The following B3GALNT2 variants were observed in gnomAD, a reference collection of about 807,000 sequenced individuals.
The protein encoded by B3GALNT2 is UDP-GalNAc:beta-1,3-N-acetylgalactosaminyltransferase 2.
A neutral mutation model predicts 61.1 loss-of-function variants in B3GALNT2; 53 were observed. That is an observed-to-expected ratio of 0.87 (90% CI 0.70 to 1.09). B3GALNT2 has a LOEUF of 1.09. Among genes scored for constraint, B3GALNT2 ranks in the 50% least tolerant of loss-of-function variants. The probability of loss-of-function intolerance (pLI) is 0.00; values close to 1 mark genes in which losing one functional copy is unlikely to be tolerated. For synonymous variants in B3GALNT2, 223 were observed against 237.4 expected (o/e 0.94, Z 0.56); for missense variants, 544 against 623.0 (o/e 0.87, Z 1.35).
downstream of B3GALNT2, among the ~76,000 whole-genome samples, chr1:235,444,132 G>A (rs764448972): frequency 6.6e-6 from 1 of 152,270 alleles, no homozygotes; most frequent in Middle Eastern, 3.4e-3. Flanking sequence ...GATAAAGCAA[G>A]CTTATCATGG....
At chr1:235,486,595 C>T (rs1684817322) in intron 3 of B3GALNT2, among the ~76,000 whole-genome samples, 1 of 152,094 alleles carries the variant, frequency 6.6e-6, no homozygotes, top group Admixed American at 6.5e-5. Flanking sequence ...GCCTTTGGAT[C>T]ATCGAAAAGA....
At chr1:235,478,156 G>A (rs772910314) in intron 5 of B3GALNT2, among the ~76,000 whole-genome samples, 2 of 152,010 alleles carry the variant, frequency 1.3e-5, no homozygotes, top group African/African-American at 4.8e-5. Context: ...GGGTTCAAGC[G>A]ATACTCCTGC....
At chr1:235,503,242 A>C (rs995953680) in intron 1 of B3GALNT2, among the ~76,000 whole-genome samples, 12 of 152,262 alleles carry the variant, frequency 7.9e-5, no homozygotes, top group Non-Finnish European at 1.2e-4. Flanking sequence ...AAAATTAAGT[A>C]TTACATAATA....
the B3GALNT2 span, among the ~76,000 whole-genome samples, chr1:235,440,111 C>T: frequency 1.3e-5 from 2 of 152,056 alleles, no homozygotes; most frequent in Non-Finnish European, 1.5e-5. Context: ...GCTGGGACTA[C>T]AGGCGCCCAC....
At chr1:235,443,682 T>C (rs1682054998), downstream of B3GALNT2, among the ~76,000 whole-genome samples, 1 of 152,172 alleles carries the variant, frequency 6.6e-6, no homozygotes, top group South Asian at 2.1e-4. Flanking sequence ...GGGAGGTTTG[T>C]GACTTTGCTT....
In B3GALNT2 at chr1:235,449,025, T is replaced by TAA. The variant is rs1461677690; in HGVS notation, c.*1179_*1180dup. Reference sequence around the variant, plus strand: ...TACAGCTCATCACTGCATTTCATGATAAGATTTAAATATTAAATAGAAAGA... The same window carrying TAA: ...TACAGCTCATCACTGCATTTCATGATAAAAGATTTAAATATTAAATAGAAAGA... On this transcript the variant is annotated 3_prime_UTR_variant, in exon 12 of 12. Coordinates refer to ENST00000366600, the MANE Select transcript of B3GALNT2 (RefSeq NM_152490.5). 58 of 378,108 alleles carry TAA rather than the reference T, an allele frequency of 1.5e-4. No homozygotes were observed. The Admixed American group carries it at 2.2e-3, about 14-fold the overall frequency. 23.4% of individuals were successfully genotyped at this position (378,108 alleles called of 1,614,324 possible).
chr1:235,474,982 TATATA>T (rs1466814422), intron 5 of B3GALNT2, among the ~76,000 whole-genome samples: 345 of 31,396 alleles, frequency 0.011, 4 homozygotes, highest in African/African-American at 0.023. Context: ...TATATATATA[TATATA>T]TTTTTTTTTT....
chr1:235,464,745 GCCT>G (rs1683606979), intron 7 of B3GALNT2: 1 of 151,838 alleles, frequency 6.6e-6, no homozygotes, highest in South Asian at 2.1e-4. Context: ...ACAGAGTGAG[GCCT>G]CGTCTCAGAA....
At chr1:235,452,745 G>T (rs537203898) in intron 11 of B3GALNT2, among the ~76,000 whole-genome samples, 1 of 152,042 alleles carries the variant, frequency 6.6e-6, no homozygotes, top group South Asian at 2.1e-4. Flanking sequence ...AGAGACGGGG[G>T]GTTTCACCAT....
intron 5 of B3GALNT2, among the ~76,000 whole-genome samples, chr1:235,471,913 C>T (rs1367487619): frequency 6.6e-6 from 1 of 151,944 alleles, no homozygotes; most frequent in African/African-American, 2.4e-5. Flanking sequence ...TCTGCCCACC[C>T]TGGCCTCCCA....
chr1:235,482,607 C>CA (rs58814316), intron 4 of B3GALNT2, among the ~76,000 whole-genome samples: 1,536 of 139,664 alleles, frequency 0.011, 16 homozygotes, highest in African/African-American at 0.033. Flanking sequence ...CCTGCTAAAA[C>CA]AAAAAAAAAA....
At chr1:235,443,873 TC>T (rs777010972), downstream of B3GALNT2, among the ~76,000 whole-genome samples, 7 of 152,204 alleles carry the variant, frequency 4.6e-5, no homozygotes, top group Non-Finnish European at 1.0e-4. Flanking sequence ...ATAAAGTAGA[TC>T]AACATAACTT....
At chr1:235,497,833 TA>T (rs968798036) in intron 1 of B3GALNT2, among the ~76,000 whole-genome samples, 5 of 152,194 alleles carry the variant, frequency 3.3e-5, no homozygotes, top group African/African-American at 1.2e-4. Context: ...TTTCTAAAAA[TA>T]ATAAAGAAAT....
chr1:235,495,061 G>A (rs1444357812), intron 1 of B3GALNT2, among the ~76,000 whole-genome samples: 2 of 152,040 alleles, frequency 1.3e-5, no homozygotes, highest in South Asian at 2.1e-4. Flanking sequence ...TCATGCTCAC[G>A]TAAGTATACT....
At chr1:235,488,807 G>A (rs1684926744) in intron 3 of B3GALNT2, among the ~76,000 whole-genome samples, 1 of 151,026 alleles carries the variant, frequency 6.6e-6, no homozygotes, top group Non-Finnish European at 1.5e-5. Flanking sequence ...CAATCCCAGT[G>A]CTTTGGGATG....
chr1:235,478,633 A>G (rs1265684547), intron 5 of B3GALNT2, among the ~76,000 whole-genome samples: 1 of 152,244 alleles, frequency 6.6e-6, no homozygotes, highest in East Asian at 1.9e-4. Context: ...AGTCTTTTCC[A>G]TAACACCGAA....
At position 235,447,820 on chromosome 1, in the gene B3GALNT2, GTCCGTTGGC is replaced by G. The variant is rs1682504348; in HGVS notation, c.*2377_*2385del. 6.6e-6 allele frequency among the ~76,000 whole-genome samples: 1 copy of G among 152,150 alleles called. No individual in the cohort carries two copies. Among genetic ancestry groups the G allele is most frequent in the Non-Finnish European group, 1.5e-5 (1 of 68,024 alleles). On this transcript the variant is annotated 3_prime_UTR_variant, in exon 12 of 12. Coordinates refer to ENST00000366600, the MANE Select transcript of B3GALNT2 (RefSeq NM_152490.5). ...AAACTCACTGTCAAAGGGCACTTAG[GTCCGTTGGC>G]TCCGTTTCCCACAGTTCCCCAAATG...
intron 10 of B3GALNT2, 132 bp from the exon 11 acceptor site, chr1:235,453,278 G>T: frequency 1.2e-6 from 1 of 841,472 alleles, no homozygotes; most frequent in Non-Finnish European, 1.9e-6. Flanking sequence ...ATATGAAATA[G>T]CAAAAATGGG....
intron 2 of B3GALNT2, among the ~76,000 whole-genome samples, chr1:235,494,001 G>A (rs557832531): frequency 1.3e-5 from 2 of 152,158 alleles, no homozygotes; most frequent in East Asian, 3.9e-4. Context: ...ACTAATAACT[G>A]AGAGCTATCT....
Sources: allele counts gnomAD v4.1 joint callset (sites outside exome capture counted in the v4.1 genomes callset), GRCh38; gene constraint gnomAD v4.1.1; transcripts MANE v1.5; gene names NCBI Gene and HGNC (gene_info 2026-07-23, HGNC 2026-07-21).